The following RUNX2 variants were observed in gnomAD, a reference collection of about 807,000 sequenced individuals.
The protein encoded by RUNX2 is RUNX family transcription factor 2, also known as runt-related transcription factor 2.
A neutral mutation model predicts 51.7 loss-of-function variants in RUNX2; 10 were observed. The ratio of observed to expected loss-of-function variants is 0.19; its 90% CI spans 0.12 to 0.33. The LOEUF (loss-of-function observed/expected upper bound fraction) is 0.33. Among genes scored for constraint, RUNX2 ranks in the 10% least tolerant of loss-of-function variants. The pLI is 1.00. For synonymous variants in RUNX2, 276 were observed against 273.6 expected (o/e 1.01, Z -0.09); for missense variants, 562 against 691.3 (o/e 0.81, Z 2.10).
intron 5 of RUNX2, among the ~76,000 whole-genome samples, chr6:45,488,174 T>C (rs1054299903): frequency 1.3e-4 from 20 of 152,100 alleles, no homozygotes; most frequent in South Asian, 8.3e-4. Context: ...ATTTGAGATA[T>C]AGCATTCAGA....
intron 5 of RUNX2, among the ~76,000 whole-genome samples, chr6:45,442,463 C>G (rs1486152848): frequency 6.6e-6 from 1 of 152,092 alleles, no homozygotes; most frequent in Non-Finnish European, 1.5e-5. Context: ...GGTTCCACCT[C>G]CAGTCTGATT....
intron 7 of RUNX2, among the ~76,000 whole-genome samples, chr6:45,542,694 A>G (rs948243678): frequency 3.3e-5 from 5 of 152,180 alleles, no homozygotes; most frequent in African/African-American, 1.2e-4. Flanking sequence ...AAGTATTTTG[A>G]GATATTTTGA....
At chr6:45,471,302 G>A (rs545289383) in intron 5 of RUNX2, among the ~76,000 whole-genome samples, 5 of 152,240 alleles carry the variant, frequency 3.3e-5, no homozygotes, top group African/African-American at 9.6e-5. Context: ...AAGTGCTAGC[G>A]TTTGGGAGAT....
chr6:45,380,211 A>G (rs1251888366), intron 2 of RUNX2, among the ~76,000 whole-genome samples: 1 of 152,264 alleles, frequency 6.6e-6, no homozygotes, highest in African/African-American at 2.4e-5. Context: ...CAAAGCTAAA[A>G]CAGCGAAGCT....
intron 4 of RUNX2, among the ~76,000 whole-genome samples, chr6:45,435,934 G>A (rs1798673187): frequency 6.6e-6 from 1 of 152,176 alleles, no homozygotes; most frequent in African/African-American, 2.4e-5. Flanking sequence ...CTTGGACCCA[G>A]TGGCTTCCTA....
rs17288292 is a variant in RUNX2 at position 45,331,900 on chromosome 6, C to G, written c.58+3116C>G. Among the ~76,000 whole-genome samples the G allele has an allele frequency of 6.0e-3, 906 of 151,896 alleles. 4 individuals are homozygous for G. Among genetic ancestry groups the G allele is most frequent in the Middle Eastern group, 0.017 (5 of 294 alleles). On this transcript the variant is annotated intron_variant, in intron 2 of 8. Transcript: ENST00000647337. Reference sequence around the variant, plus strand: ...AAATCAGTCATGCTAAAGTTAAATTCGGTAAGATAGAAATGTTCCAGTTTG... The same window carrying G: ...AAATCAGTCATGCTAAAGTTAAATTGGGTAAGATAGAAATGTTCCAGTTTG...
intron 2 of RUNX2, among the ~76,000 whole-genome samples, chr6:45,332,999 C>A (rs919393553): frequency 1.8e-4 from 27 of 151,590 alleles, no homozygotes; most frequent in Non-Finnish European, 2.8e-4. Context: ...CATAAAACTC[C>A]CATAATAAAG....
rs553798375 is a variant in RUNX2, at chr6:45,511,615, A to G, written c.860-631A>G. Among the ~76,000 whole-genome samples, 4 of 152,152 alleles carry G rather than the reference A, an allele frequency of 2.6e-5. No individual in the cohort carries two copies. The South Asian group carries it at 6.2e-4, about 24-fold the overall frequency. On this transcript the variant is annotated intron_variant, in intron 6 of 8. Transcript: ENST00000647337. The stretch of plus-strand genomic sequence containing the variant: ...TAACTGGCTTCCCTCCTTCCTGTTC[A>G]TCTTACGTGCTGCCCCTCCATTCTC...
chr6:45,501,577 T>G (rs1297761505), intron 6 of RUNX2, among the ~76,000 whole-genome samples: 1 of 152,222 alleles, frequency 6.6e-6, no homozygotes, highest in Non-Finnish European at 1.5e-5. Flanking sequence ...CATATAACTC[T>G]GTCTAAACTG....
chr6:45,422,558 C>T (rs1798231260), intron 2 of RUNX2, 35 bp from the exon 3 acceptor site: 3 of 1,472,962 alleles, frequency 2.0e-6, no homozygotes, highest in Non-Finnish European at 2.7e-6. Context: ...GGCCACTTCG[C>T]TAACTTGTGG....
intron 6 of RUNX2, among the ~76,000 whole-genome samples, chr6:45,506,154 T>C (rs956475834): frequency 2.0e-5 from 3 of 152,186 alleles, no homozygotes; most frequent in Non-Finnish European, 4.4e-5. Flanking sequence ...TAGTGTGCTT[T>C]CTCGGCCCTG....
At chr6:45,404,594 A>G (rs1797793970) in intron 2 of RUNX2, among the ~76,000 whole-genome samples, 2 of 152,218 alleles carry the variant, frequency 1.3e-5, no homozygotes, top group South Asian at 2.1e-4. Context: ...TATCTATGCA[A>G]TTGAACAAAA....
At chr6:45,457,188 G>A (rs1563095175) in intron 5 of RUNX2, among the ~76,000 whole-genome samples, 1 of 152,046 alleles carries the variant, frequency 6.6e-6, no homozygotes, top group Non-Finnish European at 1.5e-5. Context: ...CTCTGGTGGA[G>A]GATCAAAGAA....
At chr6:45,485,377 T>A (rs1045096761) in intron 5 of RUNX2, among the ~76,000 whole-genome samples, 2 of 151,630 alleles carry the variant, frequency 1.3e-5, no homozygotes, top group Non-Finnish European at 2.9e-5. Context: ...TAATTTCATA[T>A]TTTTAGTAGA....
chr6:45,525,250 T>A (rs1582206359), intron 7 of RUNX2, among the ~76,000 whole-genome samples: 1 of 152,230 alleles, frequency 6.6e-6, no homozygotes, highest in Non-Finnish European at 1.5e-5. Context: ...GAAGGGTTAA[T>A]AAAACCTCAC....
intron 2 of RUNX2, among the ~76,000 whole-genome samples, chr6:45,356,954 T>C (rs1294439171): frequency 6.6e-6 from 1 of 152,216 alleles, no homozygotes; most frequent in Non-Finnish European, 1.5e-5. Flanking sequence ...CAAATATTAA[T>C]TTCCTATCTA....
At chr6:45,443,686 T>A (rs1310082256) in intron 5 of RUNX2, among the ~76,000 whole-genome samples, 1 of 152,226 alleles carries the variant, frequency 6.6e-6, no homozygotes, top group Non-Finnish European at 1.5e-5. Flanking sequence ...ACAGATTTGG[T>A]AAATATCAGA....
chr6:45,390,199 A>G (rs1428188054), intron 2 of RUNX2, among the ~76,000 whole-genome samples: 1 of 152,166 alleles, frequency 6.6e-6, no homozygotes, highest in African/African-American at 2.4e-5. Context: ...GCTTCTCAGT[A>G]ATGTGATAAT....
intron 5 of RUNX2, among the ~76,000 whole-genome samples, chr6:45,483,008 C>T (rs1582158903): frequency 6.6e-6 from 1 of 152,146 alleles, no homozygotes; most frequent in African/African-American, 2.4e-5. Context: ...GCTCTGTTAG[C>T]TCATTTTTGA....
Sources: allele counts gnomAD v4.1 joint callset (sites outside exome capture counted in the v4.1 genomes callset), GRCh38; gene constraint gnomAD v4.1.1; transcripts MANE v1.5; gene names NCBI Gene and HGNC (gene_info 2026-07-23, HGNC 2026-07-21).